Variants in CENPF observed in about 807,000 individuals in gnomAD.
CENPF encodes the protein centromere protein F, also known as AH antigen.
Under a neutral mutation model 307.3 loss-of-function variants are expected in CENPF, and 214 were observed. The observed-to-expected ratio is 0.70, with a 90% confidence interval of 0.62 to 0.78. The LOEUF (loss-of-function observed/expected upper bound fraction) is 0.78, where lower values mean the gene tolerates loss of function less well. Ranked by LOEUF, CENPF falls within the 30% of genes least tolerant of loss-of-function variation. The pLI, the probability that CENPF is intolerant of heterozygous loss-of-function variation, is 0.00. For missense variants in CENPF, 3,401 were observed against 3,483.9 expected (o/e 0.98, Z 0.60); for synonymous variants, 1,259 against 1,270.6 (o/e 0.99, Z 0.19).
rs150277836 is a variant in CENPF, at chr1:214,646,238, A to G, written c.6668A>G (p.Gln2223Arg). The change falls in exon 13 of 20, where the codon CAA becomes CGA. Residue 2223 changes from glutamine to arginine, a missense_variant. Transcript: ENST00000366955. The part of the protein sequence containing the change: ...ENLTKQIQEK[Q>R]GQLSELDKLL... ...CTGACAAAACAAATACAAGAAAAAC[A>G]AGGTCAGTTGTCAGAACTAGACAAG... is the stretch of plus-strand genomic sequence containing the variant. 2.1e-4 allele frequency: 336 copies of G among 1,613,566 alleles called. 1 individual carries two copies. The highest frequency in any genetic ancestry group is 6.6e-4 in the Middle Eastern group (4 of 6,080).
chr1:214,658,635 CTA>C (rs1384455243), intron 18 of CENPF, among the ~76,000 whole-genome samples: 1 of 151,968 alleles, frequency 6.6e-6, no homozygotes, highest in African/African-American at 2.4e-5. Context: ...TTGTTGTTTT[CTA>C]TGTTTCTAAT....
Position 214,614,978 on chromosome 1 carries a change from A to C in CENPF, c.309A>C (p.Gln103His). Reference protein sequence around the residue: ...KESQVNFQEGQLNSGKKQIEK... With the variant: ...KESQVNFQEGHLNSGKKQIEK... ...CACAAGTGAATTTCCAGGAAGGACA[A>C]CTGAATTCAGGCAAAAAACAAATAG... Residue 103 changes from glutamine (Q) to histidine (H), a missense_variant, in exon 3 of 20, where the codon CAA becomes CAC. Gln to His is a conservative substitution (Grantham distance 24). Transcript: ENST00000366955. 1 of 1,606,164 alleles carries C rather than the reference A, an allele frequency of 6.2e-7. No homozygotes were observed.
At chr1:214,608,658 G>A in intron 1 of CENPF, 5 of 1,600,480 alleles carry the variant, frequency 3.1e-6, no homozygotes, top group East Asian at 2.2e-5. Flanking sequence ...GCCCGGGTGC[G>A]CCCGAGGAGG....
rs777188502 is a variant in CENPF at position 214,655,255 on chromosome 1, A to T, written c.8337A>T (p.Lys2779Asn). Residue 2779 changes from lysine to asparagine, a missense_variant, in exon 17 of 20, where the codon AAA becomes AAT. Physicochemically the swap from Lys to Asn is moderately conservative, Grantham distance 94. Transcript: ENST00000366955. ...TTATTTTGTAGATGGACAATCTAAA[A>T]TATGTAAATCAGTTGAAGAAGGAAA... The part of the protein sequence containing the change: ...ELKKTKMDNL[K>N]YVNQLKKENE... 11 of 1,593,612 alleles carry T rather than the reference A, an allele frequency of 6.9e-6. No individual in the cohort carries two copies. The highest frequency in any genetic ancestry group is 1.8e-5 in the Admixed American group (1 of 56,722).
At chr1:214,656,185 C>T (rs1658627023) in intron 17 of CENPF, among the ~76,000 whole-genome samples, 1 of 152,164 alleles carries the variant, frequency 6.6e-6, no homozygotes, top group Admixed American at 6.5e-5. Context: ...AATGATAACT[C>T]TCCTTGTCAC....
At position 214,643,023 on chromosome 1, in the gene CENPF, C is replaced by A; in HGVS notation, c.4685C>A (p.Ser1562Tyr). ...LESLCEVYRQ[S>Y]LEKLEEKMES... ...TCCCTCTGTGAGGTGTACCGGCAGT[C>A]CCTCGAGAAGCTAGAAGAGAAAATG... Residue 1562 changes from serine to tyrosine, a missense_variant, in exon 12 of 20, where the codon TCC becomes TAC. Physicochemically the swap from Ser to Tyr is moderately radical, Grantham distance 144 (BLOSUM62 -2). Coordinates refer to ENST00000366955, the MANE Select transcript of CENPF (RefSeq NM_016343.4). 6.2e-7 allele frequency: 1 copy of A among 1,609,270 alleles called. No homozygotes were observed. The highest frequency in any genetic ancestry group is 8.5e-7 in the Non-Finnish European group (1 of 1,178,682).
intron 15 of CENPF, among the ~76,000 whole-genome samples, chr1:214,652,138 C>T (rs1292017637): frequency 2.0e-5 from 3 of 146,732 alleles, no homozygotes; most frequent in Non-Finnish European, 4.4e-5. Flanking sequence ...CAGGTTTGCA[C>T]CATTCTCCTA....
In CENPF at chr1:214,664,001, A is replaced by G; in HGVS notation, c.*207A>G. On this transcript the variant is annotated 3_prime_UTR_variant, in exon 20 of 20. Coordinates refer to ENST00000366955, the MANE Select transcript of CENPF (RefSeq NM_016343.4). The stretch of plus-strand genomic sequence containing the variant: ...GCACTGATCACCTGTTAGCATTGCC[A>G]TTCCTCTACTGCAATGTAAATAGTA... The G allele has an allele frequency of 1.8e-6, 1 of 553,016 alleles. No homozygotes were observed. Among genetic ancestry groups the G allele is most frequent in the Non-Finnish European group, 3.2e-6 (1 of 312,664 alleles). The allele number at this position is 553,016 out of a possible 1,614,324, so 34.3% of individuals were successfully genotyped here.
In CENPF at chr1:214,655,318, A is replaced by G. The variant is rs778591532; in HGVS notation, c.8400A>G (p.Lys2800=). ...AGGGGAAAATGAAGTTGTTGATCAA[A>G]TCCTGTAAACAGCTGGAAGAGGAAA... ...RAQGKMKLLI[K]SCKQLEEEKE... The change falls in exon 17 of 20, where the codon AAA becomes AAG. Residue 2800 remains lysine (K), a synonymous_variant. Coordinates refer to ENST00000366955, the MANE Select transcript of CENPF (RefSeq NM_016343.4). The G allele has an allele frequency of 1.9e-5, 30 of 1,610,224 alleles. No homozygotes were observed. The highest frequency in any genetic ancestry group is 1.7e-5 in the Non-Finnish European group (20 of 1,178,006).
At chr1:214,631,368 T>A (rs1205743995) in intron 9 of CENPF, among the ~76,000 whole-genome samples, 2 of 152,194 alleles carry the variant, frequency 1.3e-5, no homozygotes, top group Non-Finnish European at 2.9e-5. Flanking sequence ...TGGCACTGTT[T>A]GTAATATCAC....
intron 7 of CENPF, among the ~76,000 whole-genome samples, chr1:214,626,664 C>A (rs1657662653): frequency 6.6e-6 from 1 of 152,156 alleles, no homozygotes; most frequent in East Asian, 1.9e-4. Flanking sequence ...ATTTAATGAA[C>A]TTCTGAGCCC....
At chr1:214,628,033 T>A (rs1373803059) in intron 7 of CENPF, among the ~76,000 whole-genome samples, 2 of 152,156 alleles carry the variant, frequency 1.3e-5, no homozygotes, top group Non-Finnish European at 2.9e-5. Flanking sequence ...GACCTGGAGT[T>A]CAGCACCCAC....
chr1:214,647,978 A>G (rs1175206730), intron 13 of CENPF: 1 of 503,994 alleles, frequency 2.0e-6, no homozygotes. Flanking sequence ...TGATGATTAA[A>G]GGGAAGATCT....
chr1:214,605,719 G>T, intron 1 of CENPF: 1 of 1,593,542 alleles, frequency 6.3e-7, no homozygotes, highest in Non-Finnish European at 8.5e-7. Flanking sequence ...AGCGACGCAG[G>T]CCCTCCAGGT....
At chr1:214,628,123 A>C (rs1181902794) in intron 7 of CENPF, among the ~76,000 whole-genome samples, 5 of 152,190 alleles carry the variant, frequency 3.3e-5, no homozygotes, top group Admixed American at 6.5e-5. Context: ...AGCTCTGGGC[A>C]CTGTTTTAGA....
chr1:214,644,831 C>T lies in CENPF; in HGVS notation c.5261C>T (p.Pro1754Leu). ...ECISELSFSG[P>L]NALVPMDFLG... The stretch of plus-strand genomic sequence containing the variant: ...ATTTCTGAATTGTCATTTTCTGGTC[C>T]TAATGCTTTGGTACCTATGGATTTC... Residue 1754 changes from proline (P) to leucine (L), a missense_variant, in exon 13 of 20, where the codon CCT becomes CTT. Transcript: ENST00000366955. The T allele has an allele frequency of 6.2e-7, 1 of 1,614,018 alleles. No homozygotes were observed. The highest frequency in any genetic ancestry group is 1.1e-5 in the South Asian group (1 of 91,068).
chr1:214,620,825 G>A lies in CENPF; in HGVS notation c.744G>A (p.Gly248=). 6.2e-7 allele frequency: 1 copy of A among 1,614,136 alleles called. No individual in the cohort carries two copies. ...ATTTCTCTGCATCTTACTTTTCTGG[G>A]GAACAAGAGGTGACTCCAAGTCGAT... ...RRDFSASYFS[G]EQEVTPSRST... Residue 248 remains glycine (G), a synonymous_variant, in exon 6 of 20, where the codon GGG becomes GGA. Coordinates refer to ENST00000366955, the MANE Select transcript of CENPF (RefSeq NM_016343.4).
chr1:214,630,334 C>G (rs887461896), intron 8 of CENPF, among the ~76,000 whole-genome samples, 200 bp from the exon 9 acceptor site: 3 of 152,164 alleles, frequency 2.0e-5, no homozygotes, highest in Admixed American at 6.5e-5. Flanking sequence ...TCCCCTTTCC[C>G]TCAGAGACCT....
chr1:214,652,077 T>G (rs2102574492), intron 15 of CENPF, among the ~76,000 whole-genome samples, 191 bp downstream of exon 15: 1 of 150,692 alleles, frequency 6.6e-6, no homozygotes, highest in South Asian at 2.1e-4. Context: ...GATTTTTTTT[T>G]TTTTTTTTTG....
Sources: gnomAD v4.1 joint callset for allele counts (sites outside exome capture counted in the v4.1 genomes callset) on GRCh38, gnomAD v4.1.1 for gene constraint, MANE v1.5 for transcripts, NCBI Gene and HGNC (gene_info 2026-07-23, HGNC 2026-07-21) for gene names.